Variants in ATOSA observed in about 807,000 individuals in gnomAD.
ATOSA encodes the protein atos homolog A, also known as atos homolog protein A.
chr15:52,595,735 C>A, the ATOSA span, among the ~76,000 whole-genome samples: 1 of 152,084 alleles, frequency 6.6e-6, no homozygotes, highest in Non-Finnish European at 1.5e-5. Flanking sequence ...AAAATACTAG[C>A]AATGAACAAT....
At chr15:52,615,890 T>C in the ATOSA span, among the ~76,000 whole-genome samples, 12 of 152,200 alleles carry the variant, frequency 7.9e-5, no homozygotes, top group Non-Finnish European at 1.2e-4. Context: ...ATTACTTCTA[T>C]TTTTCAGATA....
chr15:52,661,199 T>C, the ATOSA span, among the ~76,000 whole-genome samples: 135 of 152,374 alleles, frequency 8.9e-4, no homozygotes, highest in Middle Eastern at 3.4e-3. Context: ...AAATGTCTTA[T>C]TTACTTTGAG....
chr15:52,593,590 G>C, the ATOSA span: 2 of 1,569,940 alleles, frequency 1.3e-6, no homozygotes, highest in Admixed American at 3.8e-5. Context: ...TATAAGGAGA[G>C]GGAGCATTGT....
the ATOSA span, among the ~76,000 whole-genome samples, chr15:52,617,790 A>AAATT: frequency 0.89 from 131,046 of 147,518 alleles, 58,289 homozygotes; most frequent in East Asian, 1. Context: ...ATATACAAAT[A>AAATT]ATTTATATAA....
chr15:52,608,872 T>A, the ATOSA span: 1 of 1,597,636 alleles, frequency 6.3e-7, no homozygotes, highest in African/African-American at 1.3e-5. Flanking sequence ...TTTTGAGTCA[T>A]TTTTTTTGGA....
the ATOSA span, among the ~76,000 whole-genome samples, chr15:52,703,997 A>G: frequency 1.3e-5 from 2 of 152,196 alleles, no homozygotes; most frequent in East Asian, 3.8e-4. Flanking sequence ...AAGCAAAAGA[A>G]TATCTATAGT....
chr15:52,692,839 T>C, the ATOSA span, among the ~76,000 whole-genome samples: 4 of 150,602 alleles, frequency 2.7e-5, no homozygotes, highest in African/African-American at 2.4e-5. Flanking sequence ...TTTTTTGAGA[T>C]GGAGTCTTAC....
At chr15:52,606,366 A>C in the ATOSA span, among the ~76,000 whole-genome samples, 2 of 152,182 alleles carry the variant, frequency 1.3e-5, no homozygotes, top group African/African-American at 4.8e-5. Context: ...AATTACATGA[A>C]TAAAAATTAT....
the ATOSA span, among the ~76,000 whole-genome samples, chr15:52,677,036 T>G: frequency 1.4e-4 from 21 of 152,204 alleles, no homozygotes; most frequent in Admixed American, 1.4e-3. Context: ...TATGGTTTTC[T>G]CCAATTCCTT....
chr15:52,675,561 C>CA, the ATOSA span, among the ~76,000 whole-genome samples: 1 of 152,214 alleles, frequency 6.6e-6, no homozygotes, highest in Non-Finnish European at 1.5e-5. Context: ...ACACTTTACT[C>CA]ACACTCTGAA....
the ATOSA span, among the ~76,000 whole-genome samples, chr15:52,584,284 G>A: frequency 6.6e-6 from 1 of 151,274 alleles, no homozygotes; most frequent in South Asian, 2.1e-4. Flanking sequence ...TGGGATTACA[G>A]GCTCCCACCA....
chr15:52,584,981 G>A, the ATOSA span: 1 of 1,502,256 alleles, frequency 6.7e-7, no homozygotes, highest in Non-Finnish European at 9.0e-7. Flanking sequence ...TTTAAAAATA[G>A]TGATTTGTTG....
At chr15:52,694,904 C>T in the ATOSA span, among the ~76,000 whole-genome samples, 17 of 140,320 alleles carry the variant, frequency 1.2e-4, no homozygotes, top group Non-Finnish European at 2.2e-4. Context: ...CCCCATTATT[C>T]TTTTTTTTTT....
At chr15:52,618,847 G>A in the ATOSA span, among the ~76,000 whole-genome samples, 1 of 151,916 alleles carries the variant, frequency 6.6e-6, no homozygotes, top group Non-Finnish European at 1.5e-5. Context: ...ACTGCCCCAA[G>A]CCACTTTTAA....
chr15:52,694,148 G>A, the ATOSA span, among the ~76,000 whole-genome samples: 4 of 144,128 alleles, frequency 2.8e-5, no homozygotes, highest in Admixed American at 7.5e-5. Flanking sequence ...GTGTGTGTGT[G>A]TATATATAGA....
At chr15:52,587,089 G>A in the ATOSA span, 2 of 1,602,548 alleles carry the variant, frequency 1.2e-6, no homozygotes, top group Non-Finnish European at 1.7e-6. Context: ...CAGGAGAAAG[G>A]GCTAAGTTCT....
the ATOSA span, among the ~76,000 whole-genome samples, chr15:52,664,024 A>G: frequency 7.4e-3 from 1,120 of 152,352 alleles, 14 homozygotes; most frequent in African/African-American, 0.026. Context: ...CAGAGCAGGC[A>G]TAAGTTTCTT....
At chr15:52,624,226 C>CGTTTTT in the ATOSA span, among the ~76,000 whole-genome samples, 4 of 152,138 alleles carry the variant, frequency 2.6e-5, no homozygotes, top group African/African-American at 7.2e-5. Flanking sequence ...TGAGCTTAAA[C>CGTTTTT]GTTTTTGTTT....
chr15:52,667,302 G>A, the ATOSA span, among the ~76,000 whole-genome samples: 1 of 151,806 alleles, frequency 6.6e-6, no homozygotes, highest in Non-Finnish European at 1.5e-5. Context: ...TATTCTTATG[G>A]CATACTCCAA....
Sources: allele counts gnomAD v4.1 joint callset (sites outside exome capture counted in the v4.1 genomes callset), GRCh38; gene constraint gnomAD v4.1.1; transcripts MANE v1.5; gene names NCBI Gene and HGNC (gene_info 2026-07-23, HGNC 2026-07-21).